Variants in CALN1 observed in about 807,000 individuals in gnomAD.
The protein encoded by CALN1 is calcium-binding protein 8.
CALN1 carries 17 observed loss-of-function variants against 30.6 expected under a neutral mutation model. That is an observed-to-expected ratio of 0.56 (90% CI 0.38 to 0.83). CALN1 has a LOEUF of 0.83. CALN1 is among the 40% of genes least tolerant of loss of function. The pLI, the probability that CALN1 is intolerant of heterozygous loss-of-function variation, is 0.00. For synonymous variants in CALN1, 156 were observed against 131.4 expected (o/e 1.19, Z -1.28); for missense variants, 291 against 354.9 (o/e 0.82, Z 1.45).
intron 5 of CALN1, among the ~76,000 whole-genome samples, chr7:71,830,084 C>A (rs1355002298): frequency 1.4e-5 from 2 of 148,026 alleles, no homozygotes; most frequent in African/African-American, 5.2e-5. Flanking sequence ...GCTCTTGTTG[C>A]CCAGGCTGGG....
At chr7:71,826,897 CCAA>C (rs1788946733) in intron 5 of CALN1, among the ~76,000 whole-genome samples, 1 of 152,134 alleles carries the variant, frequency 6.6e-6, no homozygotes, top group Non-Finnish European at 1.5e-5. Context: ...AGGCTGGTCT[CCAA>C]CTAGGTTGCT....
intron 3 of CALN1, among the ~76,000 whole-genome samples, chr7:72,148,099 A>AT (rs1786906207): frequency 2.2e-5 from 3 of 138,018 alleles, no homozygotes; most frequent in Admixed American, 1.5e-4. Context: ...AATAAAAAAA[A>AT]ATAAAAAAAA....
chr7:72,413,492 A>C (rs562184668), upstream of CALN1, among the ~76,000 whole-genome samples: 1 of 151,898 alleles, frequency 6.6e-6, no homozygotes, highest in Non-Finnish European at 1.5e-5. Context: ...ATGCTCACAT[A>C]AGGACACAAA....
intron 2 of CALN1, among the ~76,000 whole-genome samples, chr7:72,376,989 A>G (rs540785714): frequency 2.0e-5 from 3 of 152,346 alleles, no homozygotes; most frequent in South Asian, 2.1e-4. Context: ...TCAAAAATCA[A>G]TTGACCAAAA....
At chr7:72,164,955 A>G (rs1320637837) in intron 3 of CALN1, among the ~76,000 whole-genome samples, 2 of 152,170 alleles carry the variant, frequency 1.3e-5, no homozygotes, top group Non-Finnish European at 2.9e-5. Context: ...TCAGTCTTCC[A>G]AAGTCCTGGG....
chr7:72,209,957 C>G (rs1792275406), intron 3 of CALN1, among the ~76,000 whole-genome samples: 1 of 152,130 alleles, frequency 6.6e-6, no homozygotes, highest in African/African-American at 2.4e-5. Context: ...ATCAAAAGTT[C>G]TAGATAATAA....
At chr7:72,201,599 A>C (rs1178570051) in intron 3 of CALN1, among the ~76,000 whole-genome samples, 1 of 152,060 alleles carries the variant, frequency 6.6e-6, no homozygotes, top group Non-Finnish European at 1.5e-5. Flanking sequence ...AAAAAAAAGA[A>C]AGAAAAAAAA....
chr7:72,360,600 TTTTC>T (rs1803514309), intron 2 of CALN1, among the ~76,000 whole-genome samples: 1 of 148,326 alleles, frequency 6.7e-6, no homozygotes, highest in African/African-American at 2.5e-5. Flanking sequence ...ACACTTTTTC[TTTTC>T]TATTTTTTTT....
At chr7:71,991,318 A>C (rs565763576) in intron 5 of CALN1, among the ~76,000 whole-genome samples, 4 of 151,896 alleles carry the variant, frequency 2.6e-5, no homozygotes, top group Admixed American at 6.6e-5. Context: ...AATTAGCCAG[A>C]TGTGGTGGTG....
At chr7:72,423,740 C>A (rs565299566) in intron 1 of CALN1, among the ~76,000 whole-genome samples, 3 of 151,604 alleles carry the variant, frequency 2.0e-5, no homozygotes, top group Non-Finnish European at 4.4e-5. Flanking sequence ...TGGCTTGAGC[C>A]CAGGAGGTGG....
chr7:71,921,974 A>G (rs1002398814), intron 5 of CALN1, among the ~76,000 whole-genome samples: 1 of 152,154 alleles, frequency 6.6e-6, no homozygotes, highest in Non-Finnish European at 1.5e-5. Flanking sequence ...ACACATTTCC[A>G]TTAGGCAACA....
chr7:72,479,858 C>CAATT, the CALN1 span, among the ~76,000 whole-genome samples: 1 of 152,128 alleles, frequency 6.6e-6, no homozygotes, highest in African/African-American at 2.4e-5. Context: ...GCTTACAGCA[C>CAATT]AATTTATTGA....
chr7:72,470,404 T>C, the CALN1 span, among the ~76,000 whole-genome samples: 1 of 152,106 alleles, frequency 6.6e-6, no homozygotes, highest in Non-Finnish European at 1.5e-5. Flanking sequence ...AGCCTGGATG[T>C]ACCCCCAGTA....
In CALN1 at chr7:72,030,685, A is replaced by G. The variant is rs548135662; in HGVS notation, c.389-6916T>C. Among the ~76,000 whole-genome samples, 13 of 152,298 alleles carry G rather than the reference A, an allele frequency of 8.5e-5. No individual in the cohort carries two copies. In the East Asian group the frequency reaches 2.1e-3, roughly 25 times the overall value. On this transcript the variant is annotated intron_variant, in intron 4 of 6. Transcript: ENST00000395275. Reference sequence around the variant, plus strand: ...TCCAGGAAACCTGATAATCATAATAATATCTAACATTTACTGGGCACGCAC... The same window carrying G: ...TCCAGGAAACCTGATAATCATAATAGTATCTAACATTTACTGGGCACGCAC...
intron 2 of CALN1, among the ~76,000 whole-genome samples, chr7:72,298,525 G>T (rs1799024593): frequency 6.6e-6 from 1 of 152,124 alleles, no homozygotes; most frequent in African/African-American, 2.4e-5. Flanking sequence ...CACTGTCTTG[G>T]GGTCTACTTG....
At chr7:72,343,532 G>T (rs1355368125) in intron 2 of CALN1, among the ~76,000 whole-genome samples, 1 of 141,140 alleles carries the variant, frequency 7.1e-6, no homozygotes, top group Admixed American at 7.3e-5. Flanking sequence ...GGGTGACAGA[G>T]CGAGATTCTG....
intron 3 of CALN1, among the ~76,000 whole-genome samples, chr7:72,245,005 A>G (rs1447550641): frequency 6.6e-6 from 1 of 152,192 alleles, no homozygotes; most frequent in African/African-American, 2.4e-5. Flanking sequence ...TACATCTCAC[A>G]TGAGGAAAAC....
At chr7:72,012,001 G>A (rs938577315) in intron 5 of CALN1, among the ~76,000 whole-genome samples, 13 of 152,014 alleles carry the variant, frequency 8.6e-5, no homozygotes, top group Non-Finnish European at 1.6e-4. Context: ...CATACCCTAT[G>A]GGTTAAACAC....
chr7:72,076,803 GAGA>G (rs1365922762), intron 4 of CALN1, among the ~76,000 whole-genome samples: 2 of 152,024 alleles, frequency 1.3e-5, no homozygotes, highest in African/African-American at 2.4e-5. Context: ...AGGGAACTTT[GAGA>G]AGGTTACTGG....
Sources: allele counts gnomAD v4.1 joint callset (sites outside exome capture counted in the v4.1 genomes callset), GRCh38; gene constraint gnomAD v4.1.1; transcripts MANE v1.5; gene names NCBI Gene and HGNC (gene_info 2026-07-23, HGNC 2026-07-21).